The following LLGL1 variants were observed in gnomAD, a reference collection of about 807,000 sequenced individuals.
LLGL1 encodes the protein LLGL scribble cell polarity complex component 1.
A neutral mutation model predicts 110.6 loss-of-function variants in LLGL1; 58 were observed. That is an observed-to-expected ratio of 0.52 (90% confidence interval 0.42 to 0.65). LLGL1 has a LOEUF of 0.65. LLGL1 is among the 30% of genes least tolerant of loss of function. The pLI, the probability that LLGL1 is intolerant of heterozygous loss-of-function variation, is 0.00. For missense variants in LLGL1, 1,229 were observed against 1,462.1 expected (o/e 0.84, Z 2.60); for synonymous variants, 674 against 607.2 (o/e 1.11, Z -1.62).
At chr17:18,232,401 C>G in intron 2 of LLGL1, 94 bp from the exon 3 acceptor site, 3 of 1,154,194 alleles carry the variant, frequency 2.6e-6, no homozygotes, top group Non-Finnish European at 3.7e-6. Flanking sequence ...CCGGGGCCCA[C>G]TGGAATAGTC....
At position 18,241,440 on chromosome 17, in the gene LLGL1, C is replaced by CCAGCAGG; in HGVS notation, c.2503-10_2503-9insAGCAGGC. ...GGCCAGGCTTTGTGCTCACCAGCCA[C>CCAGCAGG]CTGCTGTCAGGTGTTCACACTGCCC... On this transcript the variant is annotated splice_polypyrimidine_tract_variant and intron_variant, in intron 17 of 22. Transcript: ENST00000316843. 1 of 1,607,966 alleles carries CCAGCAGG rather than the reference C, an allele frequency of 6.2e-7. No individual in the cohort carries two copies. The highest frequency in any genetic ancestry group is 8.5e-7 in the Non-Finnish European group (1 of 1,176,698).
At position 18,242,832 on chromosome 17, in the gene LLGL1, G is replaced by C; in HGVS notation, c.*1+10G>C. 6.5e-7 allele frequency: 1 copy of C among 1,546,186 alleles called. No homozygotes were observed. The highest frequency in any genetic ancestry group is 1.2e-5 in the South Asian group (1 of 83,232). On this transcript the variant is annotated intron_variant, in intron 22 of 22. Transcript: ENST00000316843. ...ATCCTGATCAAATGAGGTGCTGCAG[G>C]GGTGGGGCCCTGGTCCTCACCACTG...
chr17:18,228,515 G>C (rs2047501687), intron 1 of LLGL1, among the ~76,000 whole-genome samples: 1 of 152,210 alleles, frequency 6.6e-6, no homozygotes, highest in African/African-American at 2.4e-5. Flanking sequence ...GGGGCCTGGA[G>C]CAGGGAGGGA....
At chr17:18,239,255 G>A (rs569648529) in intron 16 of LLGL1, among the ~76,000 whole-genome samples, 122 of 152,260 alleles carry the variant, frequency 8.0e-4, no homozygotes, top group Non-Finnish European at 1.3e-3. Context: ...GGTGAGGGTC[G>A]AGGTGTGTGG....
rs1230059297 is a variant in LLGL1 at position 18,237,539 on chromosome 17, T to C, written c.1670T>C (p.Ile557Thr). ...PVEQAVSVAI[I>T]DLLQDREGFT... ...GAGCAGGCGGTCAGCGTGGCCATCA[T>C]AGACCTCCTCCAGGACCGCGAGGGC... is the stretch of plus-strand genomic sequence containing the variant. Residue 557 changes from isoleucine to threonine, a missense_variant, in exon 14 of 23, where the codon ATA becomes ACA. Ile to Thr is a moderately conservative substitution (Grantham distance 89, BLOSUM62 -1). Transcript: ENST00000316843. 1.9e-6 allele frequency: 3 copies of C among 1,607,526 alleles called. No individual in the cohort carries two copies. Among genetic ancestry groups the C allele is most frequent in the African/African-American group, 1.3e-5 (1 of 74,910 alleles).
chr17:18,239,465 A>G (rs973745952), intron 16 of LLGL1, among the ~76,000 whole-genome samples: 1 of 152,150 alleles, frequency 6.6e-6, no homozygotes, highest in African/African-American at 2.4e-5. Flanking sequence ...GCCACCAGCC[A>G]TGTGCCCCTG....
At chr17:18,239,300 G>A (rs1215430019) in intron 16 of LLGL1, among the ~76,000 whole-genome samples, 1 of 152,198 alleles carries the variant, frequency 6.6e-6, no homozygotes, top group Non-Finnish European at 1.5e-5. Context: ...AGAGGCTGAG[G>A]ACCTGGCTTT....
chr17:18,226,199 C>T (rs186158519), intron 1 of LLGL1, among the ~76,000 whole-genome samples: 37 of 152,292 alleles, frequency 2.4e-4, no homozygotes, highest in African/African-American at 8.2e-4. Context: ...CTCTGCCTCT[C>T]ATTTCTCTTG....
intron 20 of LLGL1, 63 bp downstream of exon 20, chr17:18,242,341 G>C (rs2047858583): frequency 6.4e-7 from 1 of 1,555,056 alleles, no homozygotes; most frequent in African/African-American, 1.4e-5. Flanking sequence ...AGGGAGTCGG[G>C]ACTCACATAG....
At chr17:18,232,877 A>C in intron 4 of LLGL1, 75 bp downstream of exon 4, 2 of 1,590,124 alleles carry the variant, frequency 1.3e-6, no homozygotes, top group Non-Finnish European at 1.7e-6. Context: ...CTGCTGTGCA[A>C]AGGCAGCATG....
chr17:18,244,455 G>C lies in LLGL1; in HGVS notation c.*549G>C, dbSNP rs2047934793. ...AGATGGGGTTTCACCATGTTAGCCA[G>C]GATGGTCTCGATCTCCTGACCTCGT... is the stretch of plus-strand genomic sequence containing the variant. On this transcript the variant is annotated 3_prime_UTR_variant, in exon 23 of 23. Transcript: ENST00000316843. The C allele has an allele frequency of 6.6e-6, 1 of 151,940 alleles. No homozygotes were observed. Among genetic ancestry groups the C allele is most frequent in the African/African-American group, 2.4e-5 (1 of 41,366 alleles). 9.4% of individuals were successfully genotyped at this position (151,940 alleles called of 1,614,324 possible).
intron 1 of LLGL1, among the ~76,000 whole-genome samples, chr17:18,226,791 A>G (rs1044812166): frequency 6.6e-5 from 10 of 152,220 alleles, no homozygotes; most frequent in African/African-American, 2.4e-4. Context: ...ATGTTAGAGC[A>G]GGGCCTCAGC....
At position 18,240,651 on chromosome 17, in the gene LLGL1, GGCA is replaced by G. The variant is rs761397905; in HGVS notation, c.2288_2290del (p.Ala763del). On this transcript the variant is annotated inframe_deletion, in exon 17 of 23. Coordinates refer to ENST00000316843, the MANE Select transcript of LLGL1 (RefSeq NM_004140.4). The surrounding 1 kb of genome is among the most constrained non-coding windows in gnomAD (Gnocchi z 5.3). ...TGTTCGCCTATGCACTGGAGGTGCCGGCAGCAGCAGTGGGTGGTGAGAAGCGGC... is the reference window on the plus strand; with the variant it reads ...TGTTCGCCTATGCACTGGAGGTGCCGGCAGCAGTGGGTGGTGAGAAGCGGC... 5 of 1,613,088 alleles carry G rather than the reference GGCA, an allele frequency of 3.1e-6. No homozygotes were observed. In the African/African-American group the frequency reaches 5.3e-5, roughly 17 times the overall value.
intron 4 of LLGL1, 141 bp downstream of exon 4, chr17:18,232,943 G>A: frequency 9.2e-7 from 1 of 1,081,164 alleles, no homozygotes; most frequent in East Asian, 2.4e-5. Flanking sequence ...GTCCCAGGCT[G>A]CAGCTGTTGG....
At chr17:18,235,048 A>G in intron 9 of LLGL1, 41 bp from the exon 10 acceptor site, 1 of 1,613,630 alleles carries the variant, frequency 6.2e-7, no homozygotes, top group Non-Finnish European at 8.5e-7. Flanking sequence ...GCCCTCTGCC[A>G]CCTATGGCTG....
chr17:18,242,263 C>T lies in LLGL1; in HGVS notation c.2980C>T (p.His994Tyr). The T allele has an allele frequency of 6.2e-7, 1 of 1,613,908 alleles. No homozygotes were observed. Among genetic ancestry groups the T allele is most frequent in the Non-Finnish European group, 8.5e-7 (1 of 1,179,844 alleles). ...CCTTGATGGAAGCCCTGATCCAGCC[C>T]ACAGCATGGGACCTGGTGAGGGGGG... ...QSLDGSPDPA[H>Y]SMGPDTPEPP... The change falls in exon 20 of 23, where the codon CAC (histidine) becomes TAC (tyrosine). Residue 994 changes from histidine (H) to tyrosine (Y), a missense_variant. By Grantham distance (83) the His-to-Tyr change is moderately conservative. Coordinates refer to ENST00000316843, the MANE Select transcript of LLGL1 (RefSeq NM_004140.4).
chr17:18,239,173 C>T (rs981986298), intron 16 of LLGL1, among the ~76,000 whole-genome samples: 1 of 152,166 alleles, frequency 6.6e-6, no homozygotes, highest in Non-Finnish European at 1.5e-5. Flanking sequence ...GTGAGGGGCA[C>T]CAGCCAGTGC....
intron 20 of LLGL1, 85 bp from the exon 21 acceptor site, chr17:18,242,423 C>T: frequency 6.3e-7 from 1 of 1,585,120 alleles, no homozygotes; most frequent in Non-Finnish European, 8.6e-7. Flanking sequence ...TCACCATGGG[C>T]TGCCTTATGG....
intron 1 of LLGL1, among the ~76,000 whole-genome samples, chr17:18,227,121 A>G (rs1180171883): frequency 6.6e-6 from 1 of 151,988 alleles, no homozygotes; most frequent in African/African-American, 2.4e-5. Flanking sequence ...GTCTTGGAGG[A>G]GGCTCTGGGA....
Sources: gnomAD v4.1 joint callset for allele counts (sites outside exome capture counted in the v4.1 genomes callset) on GRCh38, gnomAD v4.1.1 for gene constraint, Gnocchi (gnomAD v3.1) non-coding constraint, MANE v1.5 for transcripts, NCBI Gene and HGNC (gene_info 2026-07-23, HGNC 2026-07-21) for gene names.